LRRTM4: variants seen among roughly 807,000 people sequenced by gnomAD.
LRRTM4 encodes leucine-rich repeat transmembrane neuronal protein 4.
LRRTM4 carries 25 observed loss-of-function variants against 47.6 expected under a neutral mutation model. The observed-to-expected ratio is 0.53, with a 90% CI of 0.38 to 0.73. The LOEUF (loss-of-function observed/expected upper bound fraction) is 0.73. LRRTM4 is among the 30% of genes least tolerant of loss of function. The probability of loss-of-function intolerance (pLI) is 0.00; values close to 1 mark genes in which losing one functional copy is unlikely to be tolerated. For synonymous variants in LRRTM4, 311 were observed against 269.5 expected, an observed-to-expected ratio of 1.15 and a Z score of -1.51; for missense variants, 638 against 713.4, an observed-to-expected ratio of 0.89 and a Z score of 1.20.
intron 3 of LRRTM4, among the ~76,000 whole-genome samples, chr2:77,090,797 G>C (rs1187330742): frequency 6.6e-6 from 1 of 152,118 alleles, no homozygotes; most frequent in African/African-American, 2.4e-5. Context: ...TGGAACTCTG[G>C]CCCAAGGCTC....
At chr2:76,915,570 T>C (rs919259576) in intron 3 of LRRTM4, among the ~76,000 whole-genome samples, 1 of 152,216 alleles carries the variant, frequency 6.6e-6, no homozygotes, top group African/African-American at 2.4e-5. Flanking sequence ...CTTTGTCACT[T>C]AAGTAAATCT....
At chr2:76,799,930 C>T (rs1449948294) in intron 3 of LRRTM4, among the ~76,000 whole-genome samples, 1 of 150,808 alleles carries the variant, frequency 6.6e-6, no homozygotes, top group Non-Finnish European at 1.5e-5. Flanking sequence ...GAACTACAAA[C>T]CACTGCTCAA....
intron 3 of LRRTM4, among the ~76,000 whole-genome samples, chr2:76,770,584 T>C (rs1242584734): frequency 1.3e-5 from 2 of 152,262 alleles, no homozygotes; most frequent in Non-Finnish European, 2.9e-5. Context: ...CCAGTATTTT[T>C]GCTTGTTTCT....
At chr2:77,318,207 C>A (rs1387524233) in intron 3 of LRRTM4, among the ~76,000 whole-genome samples, 1 of 152,008 alleles carries the variant, frequency 6.6e-6, no homozygotes, top group African/African-American at 2.4e-5. Flanking sequence ...GGGGTTTCAC[C>A]ATGTTAGCAA....
chr2:77,212,177 G>T (rs1018636511), intron 3 of LRRTM4, among the ~76,000 whole-genome samples: 1 of 151,634 alleles, frequency 6.6e-6, no homozygotes, highest in Non-Finnish European at 1.5e-5. Context: ...TCTAGGTTTC[G>T]AATATTTAGA....
At chr2:77,497,817 T>C (rs1415961299) in intron 3 of LRRTM4, among the ~76,000 whole-genome samples, 1 of 151,624 alleles carries the variant, frequency 6.6e-6, no homozygotes, top group Non-Finnish European at 1.5e-5. Context: ...AAAATTGTGA[T>C]ATCTGAGTTA....
chr2:77,209,658 A>T (rs1466346366), intron 3 of LRRTM4, among the ~76,000 whole-genome samples: 2 of 152,232 alleles, frequency 1.3e-5, no homozygotes, highest in Non-Finnish European at 2.9e-5. Context: ...TAGCCAAAAA[A>T]TACAATGCAA....
chr2:76,882,607 G>A (rs989388816), intron 3 of LRRTM4, among the ~76,000 whole-genome samples: 1 of 152,096 alleles, frequency 6.6e-6, no homozygotes, highest in Non-Finnish European at 1.5e-5. Context: ...GGGACGCTGA[G>A]GTGGGAGGAT....
chr2:77,157,543 AC>A (rs1672592188), intron 3 of LRRTM4, among the ~76,000 whole-genome samples: 1 of 152,098 alleles, frequency 6.6e-6, no homozygotes, highest in African/African-American at 2.4e-5. Flanking sequence ...TAAAAGAGAA[AC>A]TTTTCTTAAA....
chr2:76,772,686 T>A (rs1254052517), intron 3 of LRRTM4, among the ~76,000 whole-genome samples: 1 of 152,190 alleles, frequency 6.6e-6, no homozygotes, highest in Non-Finnish European at 1.5e-5. Context: ...GCCCACTTAT[T>A]CACATTTTTC....
At chr2:77,283,002 T>C (rs1296055768) in intron 3 of LRRTM4, among the ~76,000 whole-genome samples, 2 of 151,786 alleles carry the variant, frequency 1.3e-5, no homozygotes, top group Non-Finnish European at 2.9e-5. Context: ...AAAGGGAGCT[T>C]CTACACAGCC....
chr2:76,814,234 A>G (rs1326435034), intron 3 of LRRTM4, among the ~76,000 whole-genome samples: 1 of 152,152 alleles, frequency 6.6e-6, no homozygotes, highest in Admixed American at 6.5e-5. Context: ...AAAAGCTTAT[A>G]TAATAAGATA....
chr2:77,246,361 T>G (rs987134628), intron 3 of LRRTM4, among the ~76,000 whole-genome samples: 1 of 152,156 alleles, frequency 6.6e-6, no homozygotes, highest in Non-Finnish European at 1.5e-5. Context: ...CTGGTGACAT[T>G]TCGCCAATAT....
intron 3 of LRRTM4, among the ~76,000 whole-genome samples, chr2:77,351,152 A>G (rs986935689): frequency 6.6e-6 from 1 of 152,076 alleles, no homozygotes; most frequent in Non-Finnish European, 1.5e-5. Flanking sequence ...GCTCCCACTT[A>G]TAAGTGAAAA....
chr2:76,876,576 A>G (rs1672785108), intron 3 of LRRTM4, among the ~76,000 whole-genome samples: 1 of 152,094 alleles, frequency 6.6e-6, no homozygotes, highest in African/African-American at 2.4e-5. Flanking sequence ...GTTTTCGTAT[A>G]TGCCTTGGGT....
chr2:77,345,063 A>C (rs1420912650), intron 3 of LRRTM4, among the ~76,000 whole-genome samples: 1 of 151,268 alleles, frequency 6.6e-6, no homozygotes, highest in African/African-American at 2.4e-5. Context: ...CAAATACCTA[A>C]AATAATTATA....
chr2:76,813,460 C>G (rs1289771036), intron 3 of LRRTM4, among the ~76,000 whole-genome samples: 2 of 152,052 alleles, frequency 1.3e-5, no homozygotes, highest in Admixed American at 6.6e-5. Context: ...AGGAGATCCC[C>G]AAGACACAGA....
chr2:76,774,662 C>A (rs2104125780), intron 3 of LRRTM4, among the ~76,000 whole-genome samples: 1 of 152,072 alleles, frequency 6.6e-6, no homozygotes. Context: ...GTGACAGAGG[C>A]AGAAAAGGTA....
chr2:77,362,626 C>T (rs1013638714), intron 3 of LRRTM4, among the ~76,000 whole-genome samples: 2 of 152,090 alleles, frequency 1.3e-5, no homozygotes, highest in African/African-American at 2.4e-5. Context: ...TGGTCCGATT[C>T]GTCTTTTGTC....
Sources: gnomAD v4.1 joint callset for allele counts (sites outside exome capture counted in the v4.1 genomes callset) on GRCh38, gnomAD v4.1.1 for gene constraint, MANE v1.5 for transcripts, NCBI Gene and HGNC (gene_info 2026-07-23, HGNC 2026-07-21) for gene names.